Variants in CCDC181 observed in about 807,000 individuals in gnomAD.
The protein encoded by CCDC181 is coiled-coil domain-containing protein 181.
Under a neutral mutation model 58.7 loss-of-function variants are expected in CCDC181, and 35 were observed. That is an observed-to-expected ratio of 0.60 (90% CI 0.46 to 0.79). The LOEUF (loss-of-function observed/expected upper bound fraction) is 0.79, where lower values mean the gene tolerates loss of function less well. Among genes scored for constraint, CCDC181 ranks in the 30% least tolerant of loss-of-function variants. The probability of loss-of-function intolerance (pLI) is 0.00; values close to 1 mark genes in which losing one functional copy is unlikely to be tolerated. For synonymous variants in CCDC181, 183 were observed against 197.5 expected, an observed-to-expected ratio of 0.93 and a Z score of 0.62; for missense variants, 517 against 583.9, an observed-to-expected ratio of 0.89 and a Z score of 1.18.
chr1:169,422,060 C>T lies in CCDC181; in HGVS notation c.371G>A (p.Arg124Lys). 1 of 1,613,946 alleles carries T rather than the reference C, an allele frequency of 6.2e-7. No homozygotes were observed. The highest frequency in any genetic ancestry group is 8.5e-7 in the Non-Finnish European group (1 of 1,179,952). ...TACAATTTTCTCCATAATATATCTC[C>T]TTACTTCCTCATCCTCTTCCTCCTC... ...DLEEEEDEEV[R>K]RYIMEKIVQA... Residue 124 changes from arginine to lysine, a missense_variant, in exon 3 of 6, where the codon AGG (arginine) becomes AAG (lysine). By Grantham distance (26) the Arg-to-Lys change is conservative (BLOSUM62 2). Coordinates refer to ENST00000367806, the MANE Select transcript of CCDC181 (RefSeq NM_001300969.2).
At chr1:169,428,544 T>G (rs1297470579), upstream of CCDC181, among the ~76,000 whole-genome samples, 1 of 152,186 alleles carries the variant, frequency 6.6e-6, no homozygotes, top group African/African-American at 2.4e-5. Flanking sequence ...ACAGGTGGTG[T>G]TTGGTTACAT....
intron 4 of CCDC181, among the ~76,000 whole-genome samples, chr1:169,401,068 G>A (rs1655316511): frequency 6.6e-6 from 1 of 152,200 alleles, no homozygotes; most frequent in Non-Finnish European, 1.5e-5. Flanking sequence ...AGCAGTCTGA[G>A]ATCAAACTGC....
chr1:169,435,523 TTAAC>T (rs1657035877), intron 2 of CCDC181, among the ~76,000 whole-genome samples: 1 of 152,238 alleles, frequency 6.6e-6, no homozygotes, highest in African/African-American at 2.4e-5. Context: ...TCTCCTATGT[TTAAC>T]TAGCCTGTAG....
At chr1:169,436,653 A>T (rs1376535750) in intron 2 of CCDC181, among the ~76,000 whole-genome samples, 1 of 152,252 alleles carries the variant, frequency 6.6e-6, no homozygotes, top group East Asian at 1.9e-4. Context: ...TCGTACAATC[A>T]TTCACCATCT....
intron 2 of CCDC181, among the ~76,000 whole-genome samples, chr1:169,442,410 G>A (rs1238876619): frequency 6.6e-6 from 1 of 151,902 alleles, no homozygotes; most frequent in Non-Finnish European, 1.5e-5. Context: ...AGTTTTGTGA[G>A]TTAAGTTTGA....
At chr1:169,415,107 T>G (rs184371093) in intron 4 of CCDC181, among the ~76,000 whole-genome samples, 2 of 152,232 alleles carry the variant, frequency 1.3e-5, no homozygotes, top group Admixed American at 6.5e-5. Context: ...TACTATTTAC[T>G]ATGTACAAAT....
chr1:169,405,293 A>AT (rs1462451712), intron 4 of CCDC181, among the ~76,000 whole-genome samples: 1 of 152,138 alleles, frequency 6.6e-6, no homozygotes, highest in African/African-American at 2.4e-5. Context: ...TCTTCACAGA[A>AT]TGGAAAAAAC....
intron 4 of CCDC181, among the ~76,000 whole-genome samples, chr1:169,399,432 T>G (rs1462877476): frequency 6.6e-6 from 1 of 152,140 alleles, no homozygotes; most frequent in Non-Finnish European, 1.5e-5. Context: ...ATAATAAAAA[T>G]TCAAGAAAAT....
At chr1:169,417,719 A>G (rs1255055668) in intron 4 of CCDC181, among the ~76,000 whole-genome samples, 7 of 152,114 alleles carry the variant, frequency 4.6e-5, no homozygotes, top group African/African-American at 1.4e-4. Flanking sequence ...GCCCACCAAG[A>G]GTCATCTTAT....
At chr1:169,453,254 A>C (rs934719631) in intron 2 of CCDC181, among the ~76,000 whole-genome samples, 8 of 152,166 alleles carry the variant, frequency 5.3e-5, no homozygotes, top group African/African-American at 1.9e-4. Context: ...CTGAAATGTC[A>C]AGACAGCCAT....
At chr1:169,455,685 C>T (rs1657660965) in intron 2 of CCDC181, among the ~76,000 whole-genome samples, 1 of 152,084 alleles carries the variant, frequency 6.6e-6, no homozygotes, top group African/African-American at 2.4e-5. Flanking sequence ...ACTGCCCTTC[C>T]TAGCAGCCAA....
At chr1:169,429,032 G>A (rs1656827617), upstream of CCDC181, among the ~76,000 whole-genome samples, 1 of 152,146 alleles carries the variant, frequency 6.6e-6, no homozygotes, top group Non-Finnish European at 1.5e-5. Flanking sequence ...CCACTTACAA[G>A]TGAGAACATA....
chr1:169,424,997 G>A (rs915157499), intron 1 of CCDC181, 47 bp from the exon 2 acceptor site: 7 of 781,274 alleles, frequency 9.0e-6, no homozygotes, highest in Non-Finnish European at 1.3e-5. Flanking sequence ...CACTCTAGAG[G>A]AGGAATGGAG....
In CCDC181 at chr1:169,397,349, T is replaced by A. The variant is rs1048688163; in HGVS notation, c.1258A>T (p.Lys420Ter). The change falls in exon 5 of 6, where the codon AAA becomes TAA. Residue 420 changes from lysine (K) to a stop codon, truncating the protein, a stop_gained. Transcript: ENST00000367806. LOFTEE classifies it high-confidence loss of function. Reference protein sequence around the residue: ...DPQQAFRLWLKKKHEEQMKER... With the variant: ...DPQQAFRLWL The stretch of plus-strand genomic sequence containing the variant: ...TTCATCTGCTCTTCGTGCTTTTTTT[T>A]AAGCCATAATCGAAAAGCTTGTTGT... 3.7e-6 allele frequency: 6 copies of A among 1,611,186 alleles called. No homozygotes were observed. The East Asian group carries it at 1.1e-4, about 30-fold the overall frequency.
intron 4 of CCDC181, among the ~76,000 whole-genome samples, chr1:169,406,751 G>C (rs1021691486): frequency 6.6e-6 from 1 of 151,588 alleles, no homozygotes; most frequent in Non-Finnish European, 1.5e-5. Context: ...AAACCTGCAC[G>C]TTGTGGCACA....
At chr1:169,402,492 G>A (rs572858029) in intron 4 of CCDC181, among the ~76,000 whole-genome samples, 3,268 of 152,104 alleles carry the variant, frequency 0.021, 123 homozygotes, top group African/African-American at 0.075. Flanking sequence ...AGAGAGTGGG[G>A]GCCAATATTC....
intron 2 of CCDC181, among the ~76,000 whole-genome samples, chr1:169,434,358 T>C (rs887254916): frequency 1.3e-5 from 2 of 152,056 alleles, no homozygotes; most frequent in African/African-American, 4.8e-5. Flanking sequence ...ACAACTGCTA[T>C]GGAAAACAGT....
At chr1:169,426,656 T>G (rs1407831742) in intron 1 of CCDC181, among the ~76,000 whole-genome samples, 1 of 152,194 alleles carries the variant, frequency 6.6e-6, no homozygotes. Flanking sequence ...CTTACAGCGT[T>G]TTAAACATAT....
Position 169,421,347 on chromosome 1 carries a change from C to T in CCDC181, c.1068+16G>A. On this transcript the variant is annotated intron_variant, in intron 3 of 5. Transcript: ENST00000367806. ...ACATACTCTACTTTTAATATAATGCCCACTTAGGTTCTCACCTCTCTTTTC... is the reference window on the plus strand; with the variant it reads ...ACATACTCTACTTTTAATATAATGCTCACTTAGGTTCTCACCTCTCTTTTC... 3 of 1,550,654 alleles carry T rather than the reference C, an allele frequency of 1.9e-6. No individual in the cohort carries two copies. The highest frequency in any genetic ancestry group is 1.8e-6 in the Non-Finnish European group (2 of 1,138,006).
Sources: gnomAD v4.1 joint callset for allele counts (sites outside exome capture counted in the v4.1 genomes callset) on GRCh38, gnomAD v4.1.1 for gene constraint, MANE v1.5 for transcripts, NCBI Gene and HGNC (gene_info 2026-07-23, HGNC 2026-07-21) for gene names.